Variants in ALDH3A2 observed in about 807,000 individuals in gnomAD.
The protein encoded by ALDH3A2 is aldehyde dehydrogenase 3 family member A2, also known as aldehyde dehydrogenase family 3 member A2.
A neutral mutation model predicts 51.3 loss-of-function variants in ALDH3A2; 36 were observed. That is an observed-to-expected ratio of 0.70 (90% CI 0.54 to 0.93). The LOEUF (loss-of-function observed/expected upper bound fraction) is 0.93, where lower values mean the gene tolerates loss of function less well. Ranked by LOEUF, ALDH3A2 falls within the 40% of genes least tolerant of loss-of-function variation. The pLI is 0.00. For synonymous variants in ALDH3A2, 199 were observed against 219.8 expected (o/e 0.91, Z 0.84); for missense variants, 552 against 603.1 (o/e 0.92, Z 0.89).
At chr17:19,664,093 A>T (rs1002816549) in intron 7 of ALDH3A2, among the ~76,000 whole-genome samples, 2 of 152,186 alleles carry the variant, frequency 1.3e-5, no homozygotes, top group Non-Finnish European at 2.9e-5. Flanking sequence ...AGAGCTTCTG[A>T]TGGTAATGTA....
chr17:19,658,938 A>G (rs2084932684), intron 5 of ALDH3A2, among the ~76,000 whole-genome samples: 1 of 151,838 alleles, frequency 6.6e-6, no homozygotes, highest in African/African-American at 2.4e-5. Context: ...TGATCTGAAA[A>G]TGAAAATTGT....
intron 9 of ALDH3A2, chr17:19,673,233 G>A: frequency 6.2e-7 from 1 of 1,614,164 alleles, no homozygotes; most frequent in Non-Finnish European, 8.5e-7. Context: ...AAGCAGAGAT[G>A]AACACCAGAT....
intron 5 of ALDH3A2, among the ~76,000 whole-genome samples, chr17:19,658,983 G>A (rs1459855251): frequency 1.3e-5 from 2 of 152,196 alleles, no homozygotes; most frequent in Non-Finnish European, 2.9e-5. Context: ...TGTAATCCCA[G>A]CACTTTGGGA....
In ALDH3A2 at chr17:19,654,791, C is replaced by T. The variant is rs1432679739; in HGVS notation, c.472-1575C>T. Among the ~76,000 whole-genome samples, 1 of 152,160 alleles carries T rather than the reference C, an allele frequency of 6.6e-6. No individual in the cohort carries two copies. Among genetic ancestry groups the T allele is most frequent in the Non-Finnish European group, 1.5e-5 (1 of 68,032 alleles). On this transcript the variant is annotated intron_variant, in intron 3 of 9. Transcript: ENST00000176643. The surrounding 1 kb of genome is among the most constrained non-coding windows in gnomAD (Gnocchi z 4.5). ...AGTGCAGCTGTGGGCTGAAGGGCTC[C>T]TCAAGCGTGGCGAGAGTGGGTGCCA...
chr17:19,667,171 A>G (rs746192043), intron 8 of ALDH3A2, among the ~76,000 whole-genome samples: 17 of 152,232 alleles, frequency 1.1e-4, no homozygotes, highest in East Asian at 1.9e-4. Flanking sequence ...AAAAGGTATC[A>G]TACTATATAT....
intron 3 of ALDH3A2, 100 bp downstream of exon 3, chr17:19,652,732 T>C (rs745843491): frequency 2.4e-5 from 24 of 995,986 alleles, no homozygotes; most frequent in Non-Finnish European, 3.2e-5. Flanking sequence ...GGGGACCCAA[T>C]TGCAGTCTCT....
Position 19,649,370 on chromosome 17 carries a change from T to G in ALDH3A2, c.153+246T>G. On this transcript the variant is annotated intron_variant, in intron 1 of 9. Coordinates refer to ENST00000176643, the MANE Select transcript of ALDH3A2 (RefSeq NM_000382.3). ...TGCCTTTTCTATTCTTGTCCATTTTTCTGTTACATTTGTGGTTCTTTTCCT... is the reference window on the plus strand; with the variant it reads ...TGCCTTTTCTATTCTTGTCCATTTTGCTGTTACATTTGTGGTTCTTTTCCT... 5.7e-6 allele frequency: 3 copies of G among 530,434 alleles called. No individual in the cohort carries two copies. In the South Asian group the frequency reaches 8.3e-5, roughly 15 times the overall value. The allele number at this position is 530,434 out of a possible 1,614,324, so 32.9% of individuals were successfully genotyped here.
intron 3 of ALDH3A2, among the ~76,000 whole-genome samples, chr17:19,653,062 T>TG (rs1383177179): frequency 6.6e-6 from 1 of 151,786 alleles, no homozygotes; most frequent in African/African-American, 2.4e-5. Flanking sequence ...TTTTTTTTTT[T>TG]GAGATGGAAT....
intron 5 of ALDH3A2, among the ~76,000 whole-genome samples, chr17:19,658,642 G>A (rs1385282608): frequency 6.6e-6 from 1 of 151,754 alleles, no homozygotes; most frequent in African/African-American, 2.4e-5. Flanking sequence ...CACGAGATTT[G>A]CTTGAACCCT....
In ALDH3A2 at chr17:19,649,045, A is replaced by C. The variant is rs1038742819; in HGVS notation, c.74A>C (p.Gln25Pro). ...GRSRPLRFRL[Q>P]QLEALRRMVQ... ...TCGCGACCTCTGCGGTTTCGGCTGCAGCAGCTGGAGGCCCTGCGGAGGATG... is the reference window on the plus strand; with the variant it reads ...TCGCGACCTCTGCGGTTTCGGCTGCCGCAGCTGGAGGCCCTGCGGAGGATG... Residue 25 changes from glutamine (Q) to proline (P), a missense_variant, in exon 1 of 10, where the codon CAG becomes CCG. Gln to Pro is a moderately conservative substitution (Grantham distance 76). Coordinates refer to ENST00000176643, the MANE Select transcript of ALDH3A2 (RefSeq NM_000382.3). 6.3e-7 allele frequency: 1 copy of C among 1,583,808 alleles called. No homozygotes were observed. The highest frequency in any genetic ancestry group is 1.3e-5 in the African/African-American group (1 of 74,518).
chr17:19,652,382 GAAGAGA>G (rs2084827629), intron 2 of ALDH3A2, among the ~76,000 whole-genome samples, 159 bp from the exon 3 acceptor site: 1 of 152,208 alleles, frequency 6.6e-6, no homozygotes, highest in Non-Finnish European at 1.5e-5. Flanking sequence ...GTTAGCCTTA[GAAGAGA>G]AAGTGAGATG....
At chr17:19,660,408 T>A (rs973768575) in intron 5 of ALDH3A2, among the ~76,000 whole-genome samples, 2 of 151,498 alleles carry the variant, frequency 1.3e-5, no homozygotes, top group Admixed American at 6.6e-5. Flanking sequence ...TTGGTAGAGG[T>A]TGGATGAACA....
intron 1 of ALDH3A2, among the ~76,000 whole-genome samples, chr17:19,650,643 C>T (rs922373483): frequency 4.0e-5 from 6 of 151,784 alleles, no homozygotes; most frequent in East Asian, 3.9e-4. Context: ...TTAGTAGAGA[C>T]GGGGTTTCAC....
rs1800869 is a variant in ALDH3A2, at chr17:19,661,321, C to G, written c.940+53C>G. On this transcript the variant is annotated intron_variant, in intron 6 of 9. Transcript: ENST00000176643. ...GAAGATGGCAATTTGGCAGTTTTTGCTGACACTACTTATTAACACTAGATA... is the reference window on the plus strand; with the variant it reads ...GAAGATGGCAATTTGGCAGTTTTTGGTGACACTACTTATTAACACTAGATA... 392,118 of 1,602,854 alleles carry G rather than the reference C, an allele frequency of 0.24. 50,854 individuals are homozygous for G. The highest frequency in any genetic ancestry group is 0.43 in the East Asian group (19,322 of 44,784).
chr17:19,650,029 A>C (rs1379843509), intron 1 of ALDH3A2: 1 of 152,380 alleles, frequency 6.6e-6, no homozygotes, highest in Non-Finnish European at 1.5e-5. Flanking sequence ...CTCTTGCCTC[A>C]GCCTCCTCAG....
rs1318133607 is a variant in ALDH3A2, at chr17:19,649,106, C to G, written c.135C>G (p.Ile45Met). The G allele has an allele frequency of 6.3e-7, 1 of 1,575,142 alleles. No individual in the cohort carries two copies. Among genetic ancestry groups the G allele is most frequent in the Non-Finnish European group, 8.6e-7 (1 of 1,160,692 alleles). ...QEREKDILTA[I>M]AADLCKSEFN... ...GCGAGAAGGATATCCTGACGGCCAT[C>G]GCCGCCGACCTGTGCAAGGTACGCA... Residue 45 changes from isoleucine (I) to methionine (M), a missense_variant, in exon 1 of 10, where the codon ATC becomes ATG. Coordinates refer to ENST00000176643, the MANE Select transcript of ALDH3A2 (RefSeq NM_000382.3).
chr17:19,649,259 C>T, intron 1 of ALDH3A2, 135 bp downstream of exon 1: 2 of 1,248,202 alleles, frequency 1.6e-6, no homozygotes, highest in Non-Finnish European at 2.2e-6. Context: ...TCCAGCGATA[C>T]AGATAAAGCC....
chr17:19,672,294 G>C (rs549924359), intron 9 of ALDH3A2: 51 of 356,774 alleles, frequency 1.4e-4, no homozygotes, highest in African/African-American at 9.1e-4. Context: ...GCAGAATTCT[G>C]AGCTGTCTGA....
chr17:19,676,006 C>T lies in ALDH3A2; in HGVS notation c.*434C>T. The T allele has an allele frequency of 4.6e-6, 1 of 217,874 alleles. No individual in the cohort carries two copies. Among genetic ancestry groups the T allele is most frequent in the South Asian group, 7.0e-5 (1 of 14,214 alleles). The allele number at this position is 217,874 out of a possible 1,614,324, so 13.5% of individuals were successfully genotyped here. ...AGGGCTACCGGCAGTCCTCTGTAGT[C>T]CAGAGAGGTGAGATTAGATCTTCTT... On this transcript the variant is annotated 3_prime_UTR_variant, in exon 10 of 10. Transcript: ENST00000176643.
Sources: gnomAD v4.1 joint callset for allele counts (sites outside exome capture counted in the v4.1 genomes callset) on GRCh38, gnomAD v4.1.1 for gene constraint, Gnocchi (gnomAD v3.1) non-coding constraint, MANE v1.5 for transcripts, NCBI Gene and HGNC (gene_info 2026-07-23, HGNC 2026-07-21) for gene names.